KIF13B: variants seen among roughly 807,000 people sequenced by gnomAD.
KIF13B encodes the protein kinesin-like protein KIF13B.
In KIF13B, 127 loss-of-function variants were observed where a neutral mutation model predicts 222.0. The observed-to-expected ratio is 0.57, with a 90% CI of 0.50 to 0.66. The LOEUF (loss-of-function observed/expected upper bound fraction) is 0.66, where lower values mean the gene tolerates loss of function less well. Among genes scored for constraint, KIF13B ranks in the 30% least tolerant of loss-of-function variants. The pLI, the probability that KIF13B is intolerant of heterozygous loss-of-function variation, is 0.00. For missense variants in KIF13B, 2,173 were observed against 2,379.0 expected (o/e 0.91, Z 1.80); for synonymous variants, 976 against 919.0 (o/e 1.06, Z -1.12).
chr8:29,227,551 C>T (rs1815079741), intron 2 of KIF13B, among the ~76,000 whole-genome samples: 1 of 152,128 alleles, frequency 6.6e-6, no homozygotes, highest in South Asian at 2.1e-4. Flanking sequence ...ATCTGGTTTC[C>T]TTGATAATCC....
At position 29,072,328 on chromosome 8, in the gene KIF13B, C is replaced by T. The variant is rs115690955; in HGVS notation, c.4522-12G>A. ...ATCTCCGGCTGAGCCTGCAGCAGGA[C>T]GGGGAAGCAGGGGCTGAGAACAGAA... On this transcript the variant is annotated splice_polypyrimidine_tract_variant and intron_variant, in intron 38 of 39. Transcript: ENST00000524189. 11 of 1,392,954 alleles carry T rather than the reference C, an allele frequency of 7.9e-6. No individual in the cohort carries two copies. Among genetic ancestry groups the T allele is most frequent in the Non-Finnish European group, 1.0e-5 (11 of 1,068,370 alleles). 86.3% of individuals were successfully genotyped at this position (1,392,954 alleles called of 1,614,324 possible). A position where few individuals can be genotyped will look rare whatever the true frequency, so the allele number is the denominator to read the frequency against.
At chr8:29,244,308 C>A (rs1281057873) in intron 2 of KIF13B, among the ~76,000 whole-genome samples, 2 of 152,212 alleles carry the variant, frequency 1.3e-5, no homozygotes, top group African/African-American at 2.4e-5. Flanking sequence ...CCACTGCGCC[C>A]AGCCCAGTGC....
chr8:29,182,282 T>C (rs1586892301), intron 6 of KIF13B, among the ~76,000 whole-genome samples: 1 of 152,322 alleles, frequency 6.6e-6, no homozygotes, highest in South Asian at 2.1e-4. Flanking sequence ...ATATGAACAA[T>C]CTATTTGTCT....
At chr8:29,075,503 C>T (rs907060610) in intron 37 of KIF13B, among the ~76,000 whole-genome samples, 160 bp from the exon 38 acceptor site, 9 of 152,232 alleles carry the variant, frequency 5.9e-5, no homozygotes, top group Non-Finnish European at 1.3e-4. Flanking sequence ...GAACAAGGGA[C>T]CCAGCAAGGG....
At chr8:29,200,150 A>T (rs933311028) in intron 2 of KIF13B, among the ~76,000 whole-genome samples, 1 of 152,214 alleles carries the variant, frequency 6.6e-6, no homozygotes, top group African/African-American at 2.4e-5. Flanking sequence ...GCAGCTAGGG[A>T]TTCTGATGGC....
At chr8:29,116,416 C>T (rs1809599630) in intron 31 of KIF13B, among the ~76,000 whole-genome samples, 1 of 152,070 alleles carries the variant, frequency 6.6e-6, no homozygotes, top group East Asian at 1.9e-4. Flanking sequence ...CTGCAGTGAG[C>T]TATGATCGCA....
At chr8:29,111,941 GC>G (rs1188308257) in intron 32 of KIF13B, among the ~76,000 whole-genome samples, 1 of 152,178 alleles carries the variant, frequency 6.6e-6, no homozygotes, top group African/African-American at 2.4e-5. Context: ...CCAAGACCGT[GC>G]AACGACTAAC....
At chr8:29,092,055 C>T (rs911266755) in intron 37 of KIF13B, among the ~76,000 whole-genome samples, 16 of 152,202 alleles carry the variant, frequency 1.1e-4, no homozygotes, top group Non-Finnish European at 7.3e-5. Context: ...TGTCAAAAGA[C>T]CTATTTGGAC....
chr8:29,081,919 A>G (rs1295320114), intron 37 of KIF13B, among the ~76,000 whole-genome samples: 1 of 152,260 alleles, frequency 6.6e-6, no homozygotes, highest in Non-Finnish European at 1.5e-5. Context: ...TTGGCTTACT[A>G]AAAGTACATG....
In KIF13B at chr8:29,117,020, C is replaced by T. The variant is rs941939556; in HGVS notation, c.3661-13G>A. ...CTTCTGCTTTCACCTGGAGAGAAGA[C>T]AGAGAGGAAACAGGTTTCTCTCTTC... is the stretch of plus-strand genomic sequence containing the variant. On this transcript the variant is annotated splice_polypyrimidine_tract_variant and intron_variant, in intron 30 of 39. Coordinates refer to ENST00000524189, the MANE Select transcript of KIF13B (RefSeq NM_015254.4). 1 of 1,543,692 alleles carries T rather than the reference C, an allele frequency of 6.5e-7. No individual in the cohort carries two copies. Among genetic ancestry groups the T allele is most frequent in the Non-Finnish European group, 8.8e-7 (1 of 1,139,050 alleles).
rs925857465 is a variant in KIF13B at position 29,069,455 on chromosome 8, G to A, written c.*1049C>T. 2 of 152,260 alleles carry A rather than the reference G, an allele frequency of 1.3e-5. No individual in the cohort carries two copies. Among genetic ancestry groups the A allele is most frequent in the Admixed American group, 6.5e-5 (1 of 15,274 alleles). The allele number at this position is 152,260 out of a possible 1,614,324, so 9.4% of individuals were successfully genotyped here. Reference sequence around the variant, plus strand: ...CCAAAGACCTTCCTAGAAACCAAAAGTGCACCAAATAAAGTAGCAATGCCT... The same window carrying A: ...CCAAAGACCTTCCTAGAAACCAAAAATGCACCAAATAAAGTAGCAATGCCT... On this transcript the variant is annotated 3_prime_UTR_variant, in exon 40 of 40. Coordinates refer to ENST00000524189, the MANE Select transcript of KIF13B (RefSeq NM_015254.4).
intron 13 of KIF13B, among the ~76,000 whole-genome samples, chr8:29,158,536 C>A (rs1811636105): frequency 6.6e-6 from 1 of 152,316 alleles, no homozygotes; most frequent in East Asian, 1.9e-4. Flanking sequence ...TAATCCAATG[C>A]CTTCACTTAC....
intron 2 of KIF13B, among the ~76,000 whole-genome samples, chr8:29,202,537 G>A (rs966575561): frequency 2.6e-5 from 4 of 152,084 alleles, no homozygotes; most frequent in Non-Finnish European, 1.5e-5. Context: ...AGGCTGTCTC[G>A]AACTCCAGAC....
chr8:29,243,069 G>A (rs887278836), intron 2 of KIF13B, among the ~76,000 whole-genome samples: 29 of 152,274 alleles, frequency 1.9e-4, no homozygotes, highest in East Asian at 5.8e-4. Flanking sequence ...GTAACCGGTC[G>A]GGTGTGGTGG....
At chr8:29,164,894 C>A (rs552977424) in intron 12 of KIF13B, among the ~76,000 whole-genome samples, 10 of 151,398 alleles carry the variant, frequency 6.6e-5, no homozygotes, top group Non-Finnish European at 1.5e-4. Context: ...GTCACCCAGG[C>A]TGGAGTGCAG....
At chr8:29,090,237 A>C (rs1215407275) in intron 37 of KIF13B, among the ~76,000 whole-genome samples, 1 of 152,202 alleles carries the variant, frequency 6.6e-6, no homozygotes, top group Non-Finnish European at 1.5e-5. Context: ...CACTCCTTTC[A>C]GTGGGAGACA....
chr8:29,187,037 C>G (rs1812966193), intron 5 of KIF13B, among the ~76,000 whole-genome samples: 1 of 145,992 alleles, frequency 6.8e-6, no homozygotes. Flanking sequence ...ATACCTAAAA[C>G]AAGTGAGAAA....
At chr8:29,081,444 C>T (rs914424342) in intron 37 of KIF13B, among the ~76,000 whole-genome samples, 3 of 152,180 alleles carry the variant, frequency 2.0e-5, no homozygotes, top group Non-Finnish European at 4.4e-5. Context: ...TTAGAACAGC[C>T]TCGGCATGTG....
intron 32 of KIF13B, among the ~76,000 whole-genome samples, chr8:29,112,615 CGAG>C (rs1809410530): frequency 6.6e-6 from 1 of 152,040 alleles, no homozygotes; most frequent in South Asian, 2.1e-4. Context: ...TCTCCAACCC[CGAG>C]GAAGTGAAAT....
Sources: allele counts gnomAD v4.1 joint callset (sites outside exome capture counted in the v4.1 genomes callset), GRCh38; gene constraint gnomAD v4.1.1; transcripts MANE v1.5; gene names NCBI Gene and HGNC (gene_info 2026-07-23, HGNC 2026-07-21).